Variants in FHOD3 observed in about 807,000 individuals in gnomAD.
FHOD3 encodes formin homology 2 domain containing 3.
FHOD3 carries 90 observed loss-of-function variants against 173.0 expected under a neutral mutation model. The ratio of observed to expected loss-of-function variants is 0.52; its 90% confidence interval spans 0.44 to 0.62. The LOEUF (loss-of-function observed/expected upper bound fraction) is 0.62. FHOD3 is among the 20% of genes least tolerant of loss of function. The pLI, the probability that FHOD3 is intolerant of heterozygous loss-of-function variation, is 0.00. For missense variants in FHOD3, 1,945 were observed against 2,034.7 expected (o/e 0.96, Z 0.85); for synonymous variants, 828 against 823.0 (o/e 1.01, Z -0.10).
At chr18:36,379,748 T>G (rs1275644953) in intron 3 of FHOD3, among the ~76,000 whole-genome samples, 1 of 152,238 alleles carries the variant, frequency 6.6e-6, no homozygotes, top group African/African-American at 2.4e-5. Context: ...ATAAATACTT[T>G]CCTTTCACAA....
chr18:36,367,062 C>A (rs190155218), intron 2 of FHOD3, among the ~76,000 whole-genome samples: 2 of 152,292 alleles, frequency 1.3e-5, no homozygotes. Flanking sequence ...TGTAAAAAGG[C>A]TCCCTTGAGA....
At chr18:36,468,576 C>G (rs2053090710) in intron 3 of FHOD3, among the ~76,000 whole-genome samples, 1 of 152,142 alleles carries the variant, frequency 6.6e-6, no homozygotes, top group Non-Finnish European at 1.5e-5. Flanking sequence ...CCAGCCTGAG[C>G]AAATCAATCA....
At chr18:36,334,821 G>A (rs1375811271) in intron 1 of FHOD3, among the ~76,000 whole-genome samples, 1 of 152,224 alleles carries the variant, frequency 6.6e-6, no homozygotes, top group African/African-American at 2.4e-5. Flanking sequence ...AAGTGTGACT[G>A]AAAGAGGGTA....
chr18:36,515,508 C>T (rs990170325), intron 5 of FHOD3, among the ~76,000 whole-genome samples: 40 of 152,216 alleles, frequency 2.6e-4, no homozygotes, highest in African/African-American at 8.2e-4. Flanking sequence ...TGAGCCACTG[C>T]GCCCGGCCAC....
intron 3 of FHOD3, among the ~76,000 whole-genome samples, chr18:36,382,637 A>G (rs2047848335): frequency 6.6e-6 from 1 of 152,162 alleles, no homozygotes; most frequent in African/African-American, 2.4e-5. Flanking sequence ...CTACTGTGGA[A>G]CTGGAGTGAT....
intron 1 of FHOD3, among the ~76,000 whole-genome samples, chr18:36,326,993 A>G (rs2044704982): frequency 6.6e-6 from 1 of 152,186 alleles, no homozygotes; most frequent in Admixed American, 6.5e-5. Context: ...GGGACCGGTT[A>G]TCTTTGAACC....
chr18:36,767,143 A>T (rs2043173302), intron 27 of FHOD3, among the ~76,000 whole-genome samples: 2 of 152,200 alleles, frequency 1.3e-5, no homozygotes. Flanking sequence ...TTTATTTTTT[A>T]AAAGAGTCTA....
At position 36,619,875 on chromosome 18, in the gene FHOD3, G is replaced by A. The variant is rs140535879; in HGVS notation, c.958-5636G>A. Among the ~76,000 whole-genome samples the A allele has an allele frequency of 1.6e-4, 25 of 152,350 alleles. 1 individual carries two copies. The East Asian group carries it at 4.8e-3, about 29-fold the overall frequency. ...GAAGGCCTGATGAAAGACAGTGAAT[G>A]AGGGAGAGCATTGGAGGAGGTCAGG... On this transcript the variant is annotated intron_variant, in intron 9 of 28. Transcript: ENST00000590592.
chr18:36,321,282 T>C lies in FHOD3; in HGVS notation c.165+23282T>C, dbSNP rs571644595. Among the ~76,000 whole-genome samples the C allele has an allele frequency of 3.9e-5, 6 of 152,226 alleles. 1 individual carries two copies. The South Asian group carries it at 1.2e-3, about 32-fold the overall frequency. Reference sequence around the variant, plus strand: ...TGAGGCCAGGGCCCATCTGTGCTCTTGTGGGCTTGCTGAGCCCAGTGCTCC... The same window carrying C: ...TGAGGCCAGGGCCCATCTGTGCTCTCGTGGGCTTGCTGAGCCCAGTGCTCC... On this transcript the variant is annotated intron_variant, in intron 1 of 28. Coordinates refer to ENST00000590592, the MANE Select transcript of FHOD3 (RefSeq NM_001281740.3).
At chr18:36,494,716 G>A (rs1189877791) in intron 3 of FHOD3, among the ~76,000 whole-genome samples, 1 of 152,144 alleles carries the variant, frequency 6.6e-6, no homozygotes, top group Non-Finnish European at 1.5e-5. Context: ...CCACCCCTTG[G>A]GGCTGTGCTG....
intron 14 of FHOD3, among the ~76,000 whole-genome samples, chr18:36,676,783 G>A (rs1408408167): frequency 1.3e-5 from 2 of 152,090 alleles, no homozygotes; most frequent in East Asian, 3.8e-4. Flanking sequence ...GTGAAGATGA[G>A]CATCACTCAT....
At chr18:36,463,012 A>C (rs2052653810) in intron 3 of FHOD3, among the ~76,000 whole-genome samples, 1 of 152,172 alleles carries the variant, frequency 6.6e-6, no homozygotes, top group African/African-American at 2.4e-5. Flanking sequence ...CAGTAGTTTA[A>C]AGACAAATAG....
chr18:36,401,583 C>T (rs1467478661), intron 3 of FHOD3, among the ~76,000 whole-genome samples: 2 of 152,188 alleles, frequency 1.3e-5, no homozygotes, highest in East Asian at 3.9e-4. Flanking sequence ...TGTGTATCAG[C>T]TCCAGCCAGT....
intron 3 of FHOD3, among the ~76,000 whole-genome samples, chr18:36,416,243 C>G (rs931139094): frequency 6.6e-6 from 1 of 152,158 alleles, no homozygotes; most frequent in African/African-American, 2.4e-5. Flanking sequence ...CCATGTTAGC[C>G]AGGATAGTCT....
intron 6 of FHOD3, among the ~76,000 whole-genome samples, chr18:36,587,168 C>T (rs944595338): frequency 1.3e-5 from 2 of 152,150 alleles, no homozygotes; most frequent in African/African-American, 4.8e-5. Context: ...GGGAACTTCT[C>T]AAAGTAGAAT....
At chr18:36,423,122 C>A (rs944806066) in intron 3 of FHOD3, among the ~76,000 whole-genome samples, 1 of 152,108 alleles carries the variant, frequency 6.6e-6, no homozygotes. Context: ...TCACACCCCC[C>A]CCAAACTTCA....
chr18:36,658,025 A>G (rs757266946), intron 13 of FHOD3, 50 bp from the exon 14 acceptor site: 19 of 1,345,846 alleles, frequency 1.4e-5, no homozygotes, highest in Non-Finnish European at 1.8e-5. Context: ...ACTGACTTGT[A>G]CTTATTTCTC....
chr18:36,589,109 G>T (rs2148250700), intron 6 of FHOD3, among the ~76,000 whole-genome samples: 1 of 152,280 alleles, frequency 6.6e-6, no homozygotes, highest in Non-Finnish European at 1.5e-5. Context: ...AGAAAGTAAA[G>T]CTCAGCTCAG....
At chr18:36,470,546 A>G (rs2145108565) in intron 3 of FHOD3, among the ~76,000 whole-genome samples, 1 of 152,342 alleles carries the variant, frequency 6.6e-6, no homozygotes, top group South Asian at 2.1e-4. Context: ...TGTGCTCACT[A>G]AAACCTATAT....
Sources: allele counts gnomAD v4.1 joint callset (sites outside exome capture counted in the v4.1 genomes callset), GRCh38; gene constraint gnomAD v4.1.1; transcripts MANE v1.5; gene names NCBI Gene and HGNC (gene_info 2026-07-23, HGNC 2026-07-21).